Variants in FBXO21 observed in about 807,000 individuals in gnomAD.
FBXO21 encodes the protein F-box only protein 21.
Under a neutral mutation model 76.6 loss-of-function variants are expected in FBXO21, and 32 were observed. That is an observed-to-expected ratio of 0.42 (90% CI 0.32 to 0.56). FBXO21 has a LOEUF of 0.56. Ranked by LOEUF, FBXO21 falls within the 20% of genes least tolerant of loss-of-function variation. The pLI is 0.16. For missense variants in FBXO21, 586 were observed against 797.3 expected, an observed-to-expected ratio of 0.73 and a Z score of 3.19; for synonymous variants, 328 against 311.5, an observed-to-expected ratio of 1.05 and a Z score of -0.56.
chr12:117,157,835 G>C (rs754598244), intron 10 of FBXO21, 38 bp downstream of exon 10: 1 of 1,531,330 alleles, frequency 6.5e-7, no homozygotes, highest in Non-Finnish European at 8.9e-7. Flanking sequence ...AGCCCCTCTG[G>C]AACGGACACT....
rs762646345 is a variant in FBXO21, at chr12:117,189,374, GA to G, written c.240-13del. The G allele has an allele frequency of 8.7e-5, 141 of 1,613,960 alleles. No individual in the cohort carries two copies. The highest frequency in any genetic ancestry group is 1.1e-4 in the Non-Finnish European group (130 of 1,180,000). ...TAAGGGAAGGCCACCTACGAGGAGA[GA>G]AACACCCCCTCAGCTTAACAGAAAC... On this transcript the variant is annotated splice_polypyrimidine_tract_variant and intron_variant, in intron 1 of 11. Coordinates refer to ENST00000622495, the MANE Select transcript of FBXO21 (RefSeq NM_015002.3).
chr12:117,184,265 ATAAAT>A (rs943637705), intron 3 of FBXO21, among the ~76,000 whole-genome samples: 6 of 152,150 alleles, frequency 3.9e-5, no homozygotes, highest in African/African-American at 1.4e-4. Flanking sequence ...CACTAGGTTT[ATAAAT>A]TAATTTGGGG....
intron 9 of FBXO21, among the ~76,000 whole-genome samples, chr12:117,164,926 C>T (rs7315039): frequency 0.2 from 30,322 of 152,134 alleles, 3,425 homozygotes; most frequent in East Asian, 0.43. Context: ...ACACAGCTCA[C>T]GGAGGTAAAC....
At chr12:117,167,491 A>C (rs752513921) in intron 7 of FBXO21, among the ~76,000 whole-genome samples, 8 of 152,174 alleles carry the variant, frequency 5.3e-5, no homozygotes, top group Admixed American at 1.3e-4. Context: ...TCACACCTGT[A>C]ATCCCAGCAC....
At chr12:117,178,695 A>G (rs1217583552) in intron 3 of FBXO21, among the ~76,000 whole-genome samples, 1 of 151,902 alleles carries the variant, frequency 6.6e-6, no homozygotes, top group African/African-American at 2.4e-5. Context: ...CATTCTCTCC[A>G]GAGACTGCAG....
chr12:117,150,346 T>C (rs1008920589), intron 11 of FBXO21, among the ~76,000 whole-genome samples: 3 of 152,204 alleles, frequency 2.0e-5, no homozygotes, highest in African/African-American at 4.8e-5. Flanking sequence ...ATAAATACTA[T>C]GGAAACACTA....
chr12:117,179,650 A>C (rs1319432992), intron 3 of FBXO21, among the ~76,000 whole-genome samples: 1 of 152,242 alleles, frequency 6.6e-6, no homozygotes, highest in African/African-American at 2.4e-5. Context: ...ATTTCATAGA[A>C]GGTAGTGCAT....
chr12:117,149,161 T>C (rs1955811327), intron 11 of FBXO21, among the ~76,000 whole-genome samples: 1 of 152,126 alleles, frequency 6.6e-6, no homozygotes, highest in Non-Finnish European at 1.5e-5. Flanking sequence ...CCCTGGCCTT[T>C]GGATTTTCTT....
chr12:117,174,877 TGG>T (rs1956158337), intron 4 of FBXO21, 80 bp from the exon 5 acceptor site: 1 of 1,449,450 alleles, frequency 6.9e-7, no homozygotes, highest in African/African-American at 1.4e-5. Context: ...CTGGACATCC[TGG>T]GACATGGCTC....
chr12:117,145,954 CA>C lies in FBXO21; in HGVS notation c.*132del. On this transcript the variant is annotated 3_prime_UTR_variant, in exon 12 of 12. Coordinates refer to ENST00000622495, the MANE Select transcript of FBXO21 (RefSeq NM_015002.3). ...CACGGTATTTAAACTTAGTAGGAGG[CA>C]ACCAGCACTACTGGTGGAGTGGCTT... 1 of 625,718 alleles carries C rather than the reference CA, an allele frequency of 1.6e-6. No homozygotes were observed. The highest frequency in any genetic ancestry group is 2.9e-5 in the East Asian group (1 of 34,192). 38.8% of individuals were successfully genotyped at this position (625,718 alleles called of 1,614,324 possible). A position where few individuals can be genotyped will look rare whatever the true frequency, so the allele number is the denominator to read the frequency against.
chr12:117,190,150 G>C (rs1956329885), intron 1 of FBXO21, 68 bp downstream of exon 1: 1 of 858,442 alleles, frequency 1.2e-6, no homozygotes. Flanking sequence ...AGCTAGCGGG[G>C]CGGCTGCCCG....
rs1400386725 is a variant in FBXO21, at chr12:117,145,370, A to G, written c.*717T>C. Reference sequence around the variant, plus strand: ...TTTTCTAAAAGAATTTTATGTAATAAAATAGAAAACTAATGATTTATAGAG... The same window carrying G: ...TTTTCTAAAAGAATTTTATGTAATAGAATAGAAAACTAATGATTTATAGAG... On this transcript the variant is annotated 3_prime_UTR_variant, in exon 12 of 12. Coordinates refer to ENST00000622495, the MANE Select transcript of FBXO21 (RefSeq NM_015002.3). 2.0e-5 allele frequency: 3 copies of G among 152,176 alleles called. No individual in the cohort carries two copies. The highest frequency in any genetic ancestry group is 4.4e-5 in the Non-Finnish European group (3 of 68,034). 9.4% of individuals were successfully genotyped at this position (152,176 alleles called of 1,614,324 possible).
At chr12:117,167,192 A>G in intron 7 of FBXO21, 115 bp from the exon 8 acceptor site, 1 of 778,634 alleles carries the variant, frequency 1.3e-6, no homozygotes, top group Non-Finnish European at 2.1e-6. Flanking sequence ...TCTACTTACA[A>G]TATGAAGGTC....
rs777737876 is a variant in FBXO21 at position 117,172,610 on chromosome 12, A to G, written c.877-3T>C. ...ATTCCTGTTCTGCGAATCAAAACCT[A>G]AAGCAGAAAAAATGCTTTTATTTCA... On this transcript the variant is annotated splice_region_variant and splice_polypyrimidine_tract_variant and intron_variant, in intron 6 of 11. Transcript: ENST00000622495. 1.2e-6 allele frequency: 2 copies of G among 1,609,870 alleles called. No individual in the cohort carries two copies. The highest frequency in any genetic ancestry group is 2.2e-5 in the South Asian group (2 of 90,766).
rs969170579 is a variant in FBXO21, at chr12:117,145,864, G to C, written c.*223C>G. On this transcript the variant is annotated 3_prime_UTR_variant, in exon 12 of 12. Transcript: ENST00000622495. ...ATACAAGCCATGCCACTGACACAGT[G>C]CCTTTCAGATTAATTCACTAGTGTA... The C allele has an allele frequency of 2.4e-6, 1 of 408,766 alleles. No individual in the cohort carries two copies. The highest frequency in any genetic ancestry group is 2.0e-5 in the African/African-American group (1 of 49,410). 25.3% of individuals were successfully genotyped at this position (408,766 alleles called of 1,614,324 possible).
chr12:117,190,197 G>A, intron 1 of FBXO21, 21 bp downstream of exon 1: 1 of 1,271,904 alleles, frequency 7.9e-7, no homozygotes, highest in Non-Finnish European at 9.9e-7. Flanking sequence ...GCGCAGCCGG[G>A]GCGCGGGGCC....
At chr12:117,177,761 T>C (rs1956189497) in intron 3 of FBXO21, 120 bp from the exon 4 acceptor site, 1 of 693,614 alleles carries the variant, frequency 1.4e-6, no homozygotes, top group East Asian at 2.8e-5. Context: ...TTCATTCTCT[T>C]ATAATAATTA....
intron 10 of FBXO21, among the ~76,000 whole-genome samples, chr12:117,156,873 TAACTC>T (rs1317771924): frequency 1.3e-5 from 2 of 152,200 alleles, no homozygotes; most frequent in Non-Finnish European, 2.9e-5. Flanking sequence ...GGAGGACTAA[TAACTC>T]AATAGAAAAA....
chr12:117,176,637 CA>C (rs1334236559), intron 4 of FBXO21, among the ~76,000 whole-genome samples: 2 of 152,100 alleles, frequency 1.3e-5, no homozygotes. Flanking sequence ...AAGTATTACT[CA>C]GAAAGTTGTT....
Sources: allele counts gnomAD v4.1 joint callset (sites outside exome capture counted in the v4.1 genomes callset), GRCh38; gene constraint gnomAD v4.1.1; transcripts MANE v1.5; gene names NCBI Gene and HGNC (gene_info 2026-07-23, HGNC 2026-07-21).